LRMDA: variants seen among roughly 807,000 people sequenced by gnomAD.
The protein encoded by LRMDA is leucine rich melanocyte differentiation associated.
In LRMDA, 18 loss-of-function variants were observed where a neutral mutation model predicts 29.8. That is an observed-to-expected ratio of 0.60 (90% CI 0.42 to 0.90). The LOEUF is 0.90. Among genes scored for constraint, LRMDA ranks in the 40% least tolerant of loss-of-function variants. The probability of loss-of-function intolerance (pLI) is 0.00; values close to 1 mark genes in which losing one functional copy is unlikely to be tolerated. For synonymous variants in LRMDA, 125 were observed against 109.4 expected, an observed-to-expected ratio of 1.14 and a Z score of -0.89; for missense variants, 273 against 273.9, an observed-to-expected ratio of 1.00 and a Z score of 0.02.
intron 2 of LRMDA, among the ~76,000 whole-genome samples, chr10:75,734,911 G>C (rs1476131343): frequency 8.5e-5 from 13 of 152,208 alleles, no homozygotes; most frequent in Admixed American, 8.5e-4. Context: ...ATTTAACACT[G>C]CAGCCTGTCC....
At chr10:76,465,523 T>G (rs1046710586) in intron 6 of LRMDA, among the ~76,000 whole-genome samples, 1 of 152,102 alleles carries the variant, frequency 6.6e-6, no homozygotes, top group Non-Finnish European at 1.5e-5. Context: ...CAACTACCTA[T>G]GAAAAAGGAA....
chr10:76,360,310 T>G (rs1841295911), intron 6 of LRMDA, among the ~76,000 whole-genome samples: 1 of 152,036 alleles, frequency 6.6e-6, no homozygotes, highest in Non-Finnish European at 1.5e-5. Context: ...CTGACTTCCT[T>G]GGTTCACATG....
intron 2 of LRMDA, among the ~76,000 whole-genome samples, chr10:75,880,674 C>T (rs749180387): frequency 5.9e-5 from 9 of 152,184 alleles, no homozygotes; most frequent in Non-Finnish European, 1.0e-4. Flanking sequence ...CAGGGCAACC[C>T]ACTCATTTGG....
At chr10:76,254,738 A>G (rs1319106774) in intron 5 of LRMDA, among the ~76,000 whole-genome samples, 1 of 152,078 alleles carries the variant, frequency 6.6e-6, no homozygotes, top group African/African-American at 2.4e-5. Flanking sequence ...TCTATTGGAA[A>G]TACCTTTCTT....
chr10:75,960,816 C>T (rs965925424), intron 2 of LRMDA, among the ~76,000 whole-genome samples: 3 of 152,024 alleles, frequency 2.0e-5, no homozygotes, highest in Non-Finnish European at 4.4e-5. Context: ...TGGGTTTCAC[C>T]GTGTTAGCCA....
At chr10:75,669,572 C>T (rs940085763) in intron 2 of LRMDA, among the ~76,000 whole-genome samples, 1 of 152,192 alleles carries the variant, frequency 6.6e-6, no homozygotes, top group African/African-American at 2.4e-5. Context: ...TAGACTTTTA[C>T]AGTAAATTTG....
chr10:76,214,431 G>A (rs572261289), intron 5 of LRMDA, among the ~76,000 whole-genome samples: 2 of 139,008 alleles, frequency 1.4e-5, no homozygotes, highest in Non-Finnish European at 3.0e-5. Context: ...TGTAAGCTCC[G>A]CTTCCCAGGT....
chr10:76,160,148 A>G (rs557169682), intron 5 of LRMDA, among the ~76,000 whole-genome samples: 9 of 151,202 alleles, frequency 6.0e-5, no homozygotes, highest in Non-Finnish European at 5.9e-5. Context: ...TATATGGGAA[A>G]TCTCTGTACC....
intron 2 of LRMDA, among the ~76,000 whole-genome samples, chr10:75,662,260 G>GATGA (rs978912081): frequency 6.6e-6 from 1 of 152,216 alleles, no homozygotes; most frequent in Non-Finnish European, 1.5e-5. Flanking sequence ...ATGAAGTAGA[G>GATGA]ATGAAATAAA....
intron 2 of LRMDA, among the ~76,000 whole-genome samples, chr10:75,852,555 A>C (rs1219200903): frequency 6.6e-6 from 1 of 152,102 alleles, no homozygotes; most frequent in African/African-American, 2.4e-5. Context: ...AAAAAACAAC[A>C]AAAAAATAGT....
At chr10:76,000,203 C>T (rs909317911) in intron 2 of LRMDA, among the ~76,000 whole-genome samples, 2 of 152,006 alleles carry the variant, frequency 1.3e-5, no homozygotes, top group Admixed American at 6.6e-5. Flanking sequence ...GGGAGGATGG[C>T]GCTGATGAAT....
chr10:76,160,745 G>A (rs1309804620), intron 5 of LRMDA, among the ~76,000 whole-genome samples: 2 of 152,058 alleles, frequency 1.3e-5, no homozygotes, highest in Non-Finnish European at 2.9e-5. Context: ...ATGATAGGTT[G>A]GACTCTCTAC....
At chr10:75,909,544 C>T (rs190057342) in intron 2 of LRMDA, among the ~76,000 whole-genome samples, 2 of 151,866 alleles carry the variant, frequency 1.3e-5, no homozygotes, top group East Asian at 1.9e-4. Context: ...AGTTGTGGTA[C>T]ATGGTAGCTC....
Position 76,557,482 on chromosome 10 carries a change from G to A in LRMDA, c.*194G>A. 1.7e-6 allele frequency: 1 copy of A among 604,142 alleles called. No homozygotes were observed. Among genetic ancestry groups the A allele is most frequent in the Non-Finnish European group, 2.9e-6 (1 of 341,740 alleles). 37.4% of individuals were successfully genotyped at this position (604,142 alleles called of 1,614,324 possible). On this transcript the variant is annotated 3_prime_UTR_variant, in exon 7 of 7. Coordinates refer to ENST00000611255, the MANE Select transcript of LRMDA (RefSeq NM_001305581.2). Reference sequence around the variant, plus strand: ...TGATCCTTCTGCCTTAGACTGAGTGGTCACATAGAGATTGACATGATTGCC... The same window carrying A: ...TGATCCTTCTGCCTTAGACTGAGTGATCACATAGAGATTGACATGATTGCC...
intron 6 of LRMDA, among the ~76,000 whole-genome samples, chr10:76,499,102 C>G (rs533100316): frequency 1.3e-5 from 1 of 75,240 alleles, no homozygotes; most frequent in African/African-American, 3.2e-5. Context: ...AGATATAATA[C>G]ACATTCAATA....
chr10:75,584,958 A>G (rs1370655928), intron 2 of LRMDA, among the ~76,000 whole-genome samples: 1 of 152,208 alleles, frequency 6.6e-6, no homozygotes, highest in Non-Finnish European at 1.5e-5. Context: ...ATTTTTTCCT[A>G]AATGTTTTAA....
chr10:75,836,397 G>A (rs925066486), intron 2 of LRMDA, among the ~76,000 whole-genome samples: 1 of 152,188 alleles, frequency 6.6e-6, no homozygotes, highest in Non-Finnish European at 1.5e-5. Flanking sequence ...ACTGAGTCTA[G>A]GAGGATTCAG....
intron 2 of LRMDA, among the ~76,000 whole-genome samples, chr10:75,788,561 G>A (rs74767986): frequency 0.035 from 5,322 of 152,298 alleles, 138 homozygotes; most frequent in Non-Finnish European, 0.055. Flanking sequence ...GGTTATGAAT[G>A]CCAATTGTTA....
chr10:75,584,254 A>C (rs1471816042), intron 2 of LRMDA, among the ~76,000 whole-genome samples: 33 of 151,558 alleles, frequency 2.2e-4, no homozygotes, highest in Admixed American at 2.2e-3. Context: ...GCCAGTTTCT[A>C]CTCATTCCTC....
Sources: allele counts gnomAD v4.1 joint callset (sites outside exome capture counted in the v4.1 genomes callset), GRCh38; gene constraint gnomAD v4.1.1; transcripts MANE v1.5; gene names NCBI Gene and HGNC (gene_info 2026-07-23, HGNC 2026-07-21).